Variants in SSBP3 observed in about 807,000 individuals in gnomAD.
SSBP3 encodes single stranded DNA binding protein 3.
In SSBP3, 5 loss-of-function variants were observed where a neutral mutation model predicts 69.6. That is an observed-to-expected ratio of 0.07 (90% CI 0.04 to 0.15). The LOEUF (loss-of-function observed/expected upper bound fraction) is 0.15. SSBP3 is among the 10% of genes least tolerant of loss of function. The probability of loss-of-function intolerance (pLI) is 1.00; values close to 1 mark genes in which losing one functional copy is unlikely to be tolerated. For synonymous variants in SSBP3, 196 were observed against 193.4 expected, an observed-to-expected ratio of 1.01 and a Z score of -0.11; for missense variants, 312 against 534.0, an observed-to-expected ratio of 0.58 and a Z score of 4.10.
intron 14 of SSBP3, among the ~76,000 whole-genome samples, chr1:54,234,209 CG>C (rs1383511063): frequency 5.3e-5 from 8 of 150,644 alleles, no homozygotes; most frequent in Non-Finnish European, 8.9e-5. Flanking sequence ...ACAAACACTG[CG>C]GAAGGCCGCA....
At chr1:54,225,675 C>T (rs1440028145) in exon 18 of SSBP3, 5 of 238,562 alleles carry the variant, frequency 2.1e-5, no homozygotes, top group Non-Finnish European at 4.0e-5. Flanking sequence ...AGACCAGCTA[C>T]AGGGGAGGGA....
intron 3 of SSBP3, 139 bp downstream of exon 3, chr1:54,404,437 G>A (rs1373080898): frequency 2.1e-6 from 2 of 947,584 alleles, no homozygotes; most frequent in African/African-American, 3.3e-5. Flanking sequence ...CTGGGCCGGA[G>A]TGCCTCGAGG....
At chr1:54,314,083 C>CT (rs1646054025) in intron 4 of SSBP3, among the ~76,000 whole-genome samples, 1 of 152,178 alleles carries the variant, frequency 6.6e-6, no homozygotes, top group African/African-American at 2.4e-5. Context: ...CTTTTCAGAT[C>CT]TATGAGGTAT....
chr1:54,405,062 G>C, intron 1 of SSBP3, 132 bp from the exon 2 acceptor site: 1 of 791,292 alleles, frequency 1.3e-6, no homozygotes, highest in Non-Finnish European at 2.2e-6. Context: ...GAGGTAAGCA[G>C]CTAGCTCACC....
chr1:54,305,463 A>T (rs563986716), intron 4 of SSBP3, among the ~76,000 whole-genome samples: 1 of 152,260 alleles, frequency 6.6e-6, no homozygotes, highest in South Asian at 2.1e-4. Flanking sequence ...CAGAAAGTTC[A>T]CCTAACTGAG....
intron 4 of SSBP3, among the ~76,000 whole-genome samples, chr1:54,348,769 G>C (rs941596663): frequency 5.9e-5 from 9 of 152,228 alleles, no homozygotes; most frequent in African/African-American, 2.2e-4. Flanking sequence ...CTCAGATGGA[G>C]GCACCAATGT....
intron 4 of SSBP3, among the ~76,000 whole-genome samples, chr1:54,399,210 CG>C (rs1197699841): frequency 6.6e-6 from 1 of 152,206 alleles, no homozygotes; most frequent in Non-Finnish European, 1.5e-5. Flanking sequence ...AATAGGCTGT[CG>C]CCCGAAAGAC....
At chr1:54,242,249 G>C in intron 10 of SSBP3, 37 bp from the exon 11 acceptor site, 1 of 1,613,146 alleles carries the variant, frequency 6.2e-7, no homozygotes, top group Non-Finnish European at 8.5e-7. Context: ...CAATGAAAAA[G>C]GCGCTGTAAA....
intron 14 of SSBP3, among the ~76,000 whole-genome samples, chr1:54,235,273 GTTTTTTTT>G (rs200538399): frequency 8.9e-6 from 1 of 112,034 alleles, no homozygotes; most frequent in Non-Finnish European, 1.8e-5. Flanking sequence ...AAGATGTCCA[GTTTTTTTT>G]TTTTTTTTTT....
At chr1:54,228,232 A>T in intron 17 of SSBP3, 23 bp downstream of exon 17, 1 of 1,608,828 alleles carries the variant, frequency 6.2e-7, no homozygotes, top group South Asian at 1.1e-5. Context: ...GGACGAGAGC[A>T]ACAGGCAGGG....
At chr1:54,282,252 G>A (rs1645409162) in intron 4 of SSBP3, among the ~76,000 whole-genome samples, 1 of 152,204 alleles carries the variant, frequency 6.6e-6, no homozygotes, top group Non-Finnish European at 1.5e-5. Flanking sequence ...GCAGGCCAGT[G>A]ATTTATAAAT....
Position 54,258,212 on chromosome 1 carries a change from C to A in SSBP3, c.367-63G>T. Reference sequence around the variant, plus strand: ...AGCACATGGAGAAGCGCAGAAGCAGCTTAAAAGAACAAAAATTAAACCAAA... The same window carrying A: ...AGCACATGGAGAAGCGCAGAAGCAGATTAAAAGAACAAAAATTAAACCAAA... On this transcript the variant is annotated intron_variant, in intron 5 of 17. Coordinates refer to ENST00000610401, the Ensembl canonical transcript of SSBP3. The surrounding 1 kb of genome is among the most constrained non-coding windows in gnomAD (Gnocchi z 4.5). The A allele has an allele frequency of 3.3e-5, 34 of 1,031,870 alleles. No homozygotes were observed. The highest frequency in any genetic ancestry group is 4.7e-5 in the East Asian group (1 of 21,256). 63.9% of individuals were successfully genotyped at this position (1,031,870 alleles called of 1,614,324 possible). A position where few individuals can be genotyped will look rare whatever the true frequency, so the allele number is the denominator to read the frequency against.
At chr1:54,404,042 G>C (rs750517631) in intron 3 of SSBP3, among the ~76,000 whole-genome samples, 31 of 151,896 alleles carry the variant, frequency 2.0e-4, no homozygotes, top group Non-Finnish European at 1.6e-4. Context: ...GGAGCTCCCA[G>C]AGGAAAGGAA....
intron 4 of SSBP3, among the ~76,000 whole-genome samples, chr1:54,354,397 T>G (rs989256376): frequency 3.3e-5 from 5 of 151,476 alleles, no homozygotes; most frequent in Non-Finnish European, 7.4e-5. Context: ...ACTCTGAGGG[T>G]CACCCCACTG....
intron 4 of SSBP3, among the ~76,000 whole-genome samples, chr1:54,314,188 C>T (rs1233503801): frequency 2.0e-5 from 3 of 152,140 alleles, no homozygotes; most frequent in South Asian, 2.1e-4. Context: ...CAAGGTAAAA[C>T]GTAGACCCAG....
At chr1:54,364,428 A>G (rs1469870462) in intron 4 of SSBP3, among the ~76,000 whole-genome samples, 1 of 152,194 alleles carries the variant, frequency 6.6e-6, no homozygotes, top group African/African-American at 2.4e-5. Flanking sequence ...AGGGGAGATG[A>G]CCTGCCAGAG....
intron 4 of SSBP3, among the ~76,000 whole-genome samples, chr1:54,401,169 G>A (rs1401363679): frequency 1.3e-5 from 2 of 152,202 alleles, no homozygotes; most frequent in South Asian, 2.1e-4. Flanking sequence ...TGCTATGGGA[G>A]ATGAATAGAT....
At chr1:54,411,651 T>C (rs915334994) in intron 1 of SSBP3, among the ~76,000 whole-genome samples, 1 of 150,966 alleles carries the variant, frequency 6.6e-6, no homozygotes, top group African/African-American at 2.4e-5. Flanking sequence ...CCGGCACTTG[T>C]GGAGGCCGAG....
At chr1:54,411,928 T>G (rs1484237686) in intron 1 of SSBP3, among the ~76,000 whole-genome samples, 1 of 146,096 alleles carries the variant, frequency 6.8e-6, no homozygotes, top group African/African-American at 2.5e-5. Flanking sequence ...CAAGGCCCTA[T>G]CCTGGTAGCT....
Sources: allele counts gnomAD v4.1 joint callset (sites outside exome capture counted in the v4.1 genomes callset), GRCh38; gene constraint gnomAD v4.1.1; non-coding constraint Gnocchi (gnomAD v3.1); transcripts MANE v1.5; gene names NCBI Gene and HGNC (gene_info 2026-07-23, HGNC 2026-07-21).